The following RTN4IP1 variants were observed in gnomAD, a reference collection of about 807,000 sequenced individuals.
RTN4IP1 encodes reticulon 4 interacting protein 1.
A neutral mutation model predicts 46.6 loss-of-function variants in RTN4IP1; 32 were observed. The observed-to-expected ratio is 0.69, with a 90% CI of 0.52 to 0.92. The LOEUF is 0.92. Ranked by LOEUF, RTN4IP1 falls within the 40% of genes least tolerant of loss-of-function variation. The probability of loss-of-function intolerance (pLI) is 0.00; values close to 1 mark genes in which losing one functional copy is unlikely to be tolerated. For missense variants in RTN4IP1, 424 were observed against 485.8 expected, an observed-to-expected ratio of 0.87 and a Z score of 1.20; for synonymous variants, 167 against 161.8, an observed-to-expected ratio of 1.03 and a Z score of -0.24.
chr6:106,572,899 T>G (rs1775112222), intron 8 of RTN4IP1, among the ~76,000 whole-genome samples: 1 of 152,178 alleles, frequency 6.6e-6, no homozygotes, highest in Non-Finnish European at 1.5e-5. Flanking sequence ...ACACCAGGCA[T>G]AATGCTAGAC....
At chr6:106,616,896 T>C (rs1382687943) in intron 4 of RTN4IP1, among the ~76,000 whole-genome samples, 1 of 152,132 alleles carries the variant, frequency 6.6e-6, no homozygotes, top group African/African-American at 2.4e-5. Context: ...GTTTGTAATG[T>C]TTGTGTCCCA....
intron 8 of RTN4IP1, among the ~76,000 whole-genome samples, chr6:106,574,143 G>T (rs1246222717): frequency 6.6e-6 from 1 of 152,156 alleles, no homozygotes; most frequent in Non-Finnish European, 1.5e-5. Context: ...GTTGCAGAAT[G>T]GAATGCATTG....
Position 106,629,305 on chromosome 6 carries a change from G to T in RTN4IP1, c.-284C>A, listed in dbSNP as rs9384625. The T allele has an allele frequency of 2.2e-6, 1 of 451,306 alleles. No individual in the cohort carries two copies. Among genetic ancestry groups the T allele is most frequent in the Non-Finnish European group, 3.8e-6 (1 of 263,944 alleles). 28.0% of individuals were successfully genotyped at this position (451,306 alleles called of 1,614,324 possible). The stretch of plus-strand genomic sequence containing the variant: ...CACCCCCTCCACTTTAAAAAAAAAA[G>T]GGGGGGCGGGGCATTAAAAAGCAGG... On this transcript the variant is annotated 5_prime_UTR_variant, in exon 1 of 9. Coordinates refer to ENST00000369063, the MANE Select transcript of RTN4IP1 (RefSeq NM_032730.5).
intron 8 of RTN4IP1, among the ~76,000 whole-genome samples, chr6:106,578,062 C>G (rs575163295): frequency 6.6e-6 from 1 of 152,146 alleles, no homozygotes; most frequent in Non-Finnish European, 1.5e-5. Flanking sequence ...CTTCAAAACA[C>G]AGTTACACAG....
intron 8 of RTN4IP1, among the ~76,000 whole-genome samples, chr6:106,582,131 G>A (rs941275865): frequency 2.0e-5 from 3 of 152,206 alleles, no homozygotes; most frequent in Admixed American, 1.3e-4. Context: ...AATAATAACA[G>A]GCCATCCTCT....
At chr6:106,604,773 C>T (rs1299748165) in intron 4 of RTN4IP1, among the ~76,000 whole-genome samples, 5 of 152,192 alleles carry the variant, frequency 3.3e-5, no homozygotes, top group Admixed American at 3.3e-4. Flanking sequence ...TACTCCCCTT[C>T]CCTCCACCCT....
At chr6:106,620,055 A>T (rs1374420470) in intron 3 of RTN4IP1, among the ~76,000 whole-genome samples, 1 of 152,088 alleles carries the variant, frequency 6.6e-6, no homozygotes, top group Non-Finnish European at 1.5e-5. Flanking sequence ...TATTCTAAGA[A>T]TACAGTATAT....
chr6:106,575,034 C>A (rs1034441630), intron 8 of RTN4IP1, among the ~76,000 whole-genome samples: 6 of 152,194 alleles, frequency 3.9e-5, no homozygotes, highest in African/African-American at 1.4e-4. Context: ...TGACAGCAAA[C>A]AGAGATTAAC....
At chr6:106,606,135 G>A (rs1047487444) in intron 4 of RTN4IP1, among the ~76,000 whole-genome samples, 6 of 152,024 alleles carry the variant, frequency 3.9e-5, no homozygotes, top group South Asian at 4.2e-4. Context: ...ACAAAAATCC[G>A]TAGCAGCCAG....
chr6:106,619,181 G>A, intron 4 of RTN4IP1, 21 bp downstream of exon 4: 3 of 1,613,420 alleles, frequency 1.9e-6, no homozygotes, highest in East Asian at 2.2e-5. Flanking sequence ...TTTAGATGCT[G>A]CCACTGACTG....
chr6:106,617,691 T>C (rs1169571002), intron 4 of RTN4IP1, among the ~76,000 whole-genome samples: 2 of 152,158 alleles, frequency 1.3e-5, no homozygotes, highest in African/African-American at 4.8e-5. Flanking sequence ...GACAGATCTT[T>C]GTCTCTAAAT....
At chr6:106,623,903 T>C (rs1165761018) in intron 1 of RTN4IP1, among the ~76,000 whole-genome samples, 1 of 152,216 alleles carries the variant, frequency 6.6e-6, no homozygotes, top group Non-Finnish European at 1.5e-5. Flanking sequence ...AAGTACTTGA[T>C]GCTGACAACA....
Position 106,597,057 on chromosome 6 carries a change from T to C in RTN4IP1, c.670-4757A>G, listed in dbSNP as rs1775812027. Among the ~76,000 whole-genome samples, 5 of 152,220 alleles carry C rather than the reference T, an allele frequency of 3.3e-5. No homozygotes were observed. In the South Asian group the frequency reaches 1.0e-3, roughly 31 times the overall value. ...CTAGATTTCCAAAGGATCTTATTTC[T>C]TTTTTCTTTAAAGGCCAGTAATTTC... is the stretch of plus-strand genomic sequence containing the variant. On this transcript the variant is annotated intron_variant, in intron 5 of 8. Coordinates refer to ENST00000369063, the MANE Select transcript of RTN4IP1 (RefSeq NM_032730.5).
intron 8 of RTN4IP1, among the ~76,000 whole-genome samples, chr6:106,573,921 A>G (rs774880609): frequency 6.6e-6 from 1 of 152,168 alleles, no homozygotes; most frequent in Non-Finnish European, 1.5e-5. Context: ...AAGATGACAG[A>G]TGTGTGCTAC....
At chr6:106,578,881 A>G (rs1387919560) in intron 8 of RTN4IP1, among the ~76,000 whole-genome samples, 3 of 151,880 alleles carry the variant, frequency 2.0e-5, no homozygotes, top group Non-Finnish European at 4.4e-5. Flanking sequence ...TAGGCTTTGC[A>G]GGCTTCACAT....
rs1190771871 is a variant in RTN4IP1 at position 106,578,532 on chromosome 6, A to G, written c.1083+4796T>C. On this transcript the variant is annotated intron_variant, in intron 8 of 8. Coordinates refer to ENST00000369063, the MANE Select transcript of RTN4IP1 (RefSeq NM_032730.5). ...GAACTGTTTTTTGTGCTTAGGAGAA[A>G]ATGCCAATAAACTGTAGGCATGAGG... Among the ~76,000 whole-genome samples the G allele has an allele frequency of 2.6e-5, 4 of 152,248 alleles. No homozygotes were observed. The East Asian group carries it at 5.8e-4, about 22-fold the overall frequency.
intron 5 of RTN4IP1, among the ~76,000 whole-genome samples, chr6:106,601,144 T>C (rs905831531): frequency 6.6e-6 from 1 of 152,204 alleles, no homozygotes; most frequent in African/African-American, 2.4e-5. Flanking sequence ...TCACTGTGGT[T>C]TGGATTTGCA....
intron 3 of RTN4IP1, 35 bp downstream of exon 3, chr6:106,621,390 C>T (rs777038240): frequency 6.7e-7 from 1 of 1,495,416 alleles, no homozygotes; most frequent in East Asian, 2.3e-5. Flanking sequence ...TTTGTTTAAA[C>T]TTTCTAATGC....
Position 106,622,965 on chromosome 6 carries a change from A to C in RTN4IP1, c.279T>G (p.Gly93=), listed in dbSNP as rs1776524463. The C allele has an allele frequency of 1.9e-6, 3 of 1,613,832 alleles. No homozygotes were observed. Among genetic ancestry groups the C allele is most frequent in the South Asian group, 2.2e-5 (2 of 91,016 alleles). ...TCATATTTAAAGCTGTAGCTCCATA[A>C]CCACCTGTAAAATACAATTTATCTG... ...VNPIDVNMRS[G]YGATALNMKR... Residue 93 remains glycine, a synonymous_variant, in exon 2 of 9, where the codon GGT becomes GGG. Transcript: ENST00000369063.
Sources: gnomAD v4.1 joint callset for allele counts (sites outside exome capture counted in the v4.1 genomes callset) on GRCh38, gnomAD v4.1.1 for gene constraint, MANE v1.5 for transcripts, NCBI Gene and HGNC (gene_info 2026-07-23, HGNC 2026-07-21) for gene names.